NRIP1: variants seen among roughly 807,000 people sequenced by gnomAD.
NRIP1 encodes nuclear receptor interacting protein 1.
A neutral mutation model predicts 75.0 loss-of-function variants in NRIP1; 28 were observed. The observed-to-expected ratio is 0.37, with a 90% CI of 0.28 to 0.51. The LOEUF (loss-of-function observed/expected upper bound fraction) is 0.51. NRIP1 is among the 20% of genes least tolerant of loss of function. The pLI is 0.92. For synonymous variants in NRIP1, 526 were observed against 487.6 expected, an observed-to-expected ratio of 1.08 and a Z score of -1.04; for missense variants, 1,435 against 1,343.7, an observed-to-expected ratio of 1.07 and a Z score of -1.06.
Position 15,059,802 on chromosome 21 carries a change from T to C in NRIP1, c.-538+4943A>G, listed in dbSNP as rs568138873. Among the ~76,000 whole-genome samples, 11 of 152,278 alleles carry C rather than the reference T, an allele frequency of 7.2e-5. No homozygotes were observed. The East Asian group carries it at 1.9e-3, about 27-fold the overall frequency. On this transcript the variant is annotated intron_variant, in intron 1 of 3. Coordinates refer to ENST00000318948, the MANE Select transcript of NRIP1 (RefSeq NM_003489.4). The stretch of plus-strand genomic sequence containing the variant: ...CCCCAAAGAGTGTTTTCTTCCTCTA[T>C]TTTTGAATTGCCAGCCTTCTCAATT...
chr21:15,009,978 G>A (rs2147153954), intron 3 of NRIP1, among the ~76,000 whole-genome samples: 1 of 152,292 alleles, frequency 6.6e-6, no homozygotes, highest in East Asian at 1.9e-4. Context: ...ATGGCAGGTG[G>A]GGAGGAGGTG....
At chr21:15,014,948 C>T (rs2088191303) in intron 2 of NRIP1, among the ~76,000 whole-genome samples, 1 of 151,944 alleles carries the variant, frequency 6.6e-6, no homozygotes, top group African/African-American at 2.4e-5. Flanking sequence ...CCTATATATC[C>T]ATGAAAAGAT....
rs920400119 is a variant in NRIP1 at position 14,964,930 on chromosome 21, T to A, written c.3263A>T (p.Asp1088Val). 3.7e-6 allele frequency: 6 copies of A among 1,613,734 alleles called. No individual in the cohort carries two copies. Among genetic ancestry groups the A allele is most frequent in the Admixed American group, 1.7e-5 (1 of 59,988 alleles). The change falls in exon 4 of 4, where the codon GAC (aspartate) becomes GTC (valine). Residue 1088 changes from aspartate (D) to valine (V), a missense_variant. Coordinates refer to ENST00000318948, the MANE Select transcript of NRIP1 (RefSeq NM_003489.4). ...SVTSRETQDK[D>V]IWREASSAES... ...AGCAGATGAAGCCTCCCTCCAAATG[T>A]CCTTGTCTTGTGTTTCTCGACTGGT... is the stretch of plus-strand genomic sequence containing the variant.
At chr21:15,057,401 A>C (rs2089329974) in intron 1 of NRIP1, among the ~76,000 whole-genome samples, 1 of 152,220 alleles carries the variant, frequency 6.6e-6, no homozygotes, top group Non-Finnish European at 1.5e-5. Context: ...TACACTTCAG[A>C]AGAGTTAGCA....
chr21:15,042,465 T>C (rs578170080), intron 2 of NRIP1, among the ~76,000 whole-genome samples: 2 of 152,344 alleles, frequency 1.3e-5, no homozygotes, highest in East Asian at 3.9e-4. Flanking sequence ...CTATGAGGTA[T>C]GCTATGGCCT....
chr21:15,058,832 A>G (rs900463223), intron 1 of NRIP1, among the ~76,000 whole-genome samples: 1 of 152,222 alleles, frequency 6.6e-6, no homozygotes, highest in Admixed American at 6.5e-5. Flanking sequence ...CTTAGACACT[A>G]TATGTGACTA....
intron 2 of NRIP1, among the ~76,000 whole-genome samples, chr21:15,034,368 C>G (rs2088782778): frequency 1.3e-5 from 2 of 152,162 alleles, no homozygotes; most frequent in African/African-American, 4.8e-5. Context: ...ATGCTTTATA[C>G]TGAAAACTTT....
At chr21:15,003,971 C>G (rs1164084677) in intron 3 of NRIP1, among the ~76,000 whole-genome samples, 1 of 152,176 alleles carries the variant, frequency 6.6e-6, no homozygotes, top group East Asian at 1.9e-4. Flanking sequence ...TCACACTAAC[C>G]ATTTCCTCAC....
In NRIP1 at chr21:15,064,776, C is replaced by A. The variant is rs1978722741; in HGVS notation, c.-569G>T. On this transcript the variant is annotated 5_prime_UTR_variant, in exon 1 of 4. Coordinates refer to ENST00000318948, the MANE Select transcript of NRIP1 (RefSeq NM_003489.4). The stretch of plus-strand genomic sequence containing the variant: ...CCGCCGCGGCTCCCAGCCTCCGGCT[C>A]CGTCAGGCTCGGTCCGCGAAGGCGC... The A allele has an allele frequency of 6.7e-6, 1 of 148,670 alleles. No individual in the cohort carries two copies. Among genetic ancestry groups the A allele is most frequent in the East Asian group, 2.0e-4 (1 of 5,112 alleles). The allele number at this position is 148,670 out of a possible 1,614,324, so 9.2% of individuals were successfully genotyped here.
In NRIP1 at chr21:14,965,988, A is replaced by T; in HGVS notation, c.2205T>A (p.Asp735Glu). 2 of 1,613,474 alleles carry T rather than the reference A, an allele frequency of 1.2e-6. No individual in the cohort carries two copies. Among genetic ancestry groups the T allele is most frequent in the Non-Finnish European group, 1.7e-6 (2 of 1,179,842 alleles). ...TCTCTGAGTGTTCCTGAGTACTTTC[A>T]TCTCTTAAGGGAGTTTTCTCTTTTT... ...SEKKEKTPLR[D>E]ESTQEHSERA... The change falls in exon 4 of 4, where the codon GAT becomes GAA. Residue 735 changes from aspartate to glutamate, a missense_variant. Coordinates refer to ENST00000318948, the MANE Select transcript of NRIP1 (RefSeq NM_003489.4).
At chr21:15,030,154 A>G (rs1803971500) in intron 2 of NRIP1, among the ~76,000 whole-genome samples, 1 of 152,256 alleles carries the variant, frequency 6.6e-6, no homozygotes, top group South Asian at 2.1e-4. Context: ...AACCATGAGG[A>G]GTGACATCAC....
At chr21:15,023,943 A>G (rs954790533) in intron 2 of NRIP1, among the ~76,000 whole-genome samples, 1 of 152,246 alleles carries the variant, frequency 6.6e-6, no homozygotes, top group African/African-American at 2.4e-5. Context: ...ATCATTCAAT[A>G]GTGTTGAAAC....
Position 14,964,665 on chromosome 21 carries a change from G to A in NRIP1, c.*51C>T, listed in dbSNP as rs2086672673. ...ATGCTCTTATTTATACAGATCTCAA[G>A]TTCATACTCATTAGTTTTAAAAAGA... On this transcript the variant is annotated 3_prime_UTR_variant, in exon 4 of 4. Transcript: ENST00000318948. 1 of 1,322,746 alleles carries A rather than the reference G, an allele frequency of 7.6e-7. No individual in the cohort carries two copies. The highest frequency in any genetic ancestry group is 1.5e-5 in the African/African-American group (1 of 67,806). 81.9% of individuals were successfully genotyped at this position (1,322,746 alleles called of 1,614,324 possible).
intron 2 of NRIP1, among the ~76,000 whole-genome samples, chr21:15,032,131 G>C (rs1031461352): frequency 1.3e-5 from 2 of 152,230 alleles, no homozygotes; most frequent in African/African-American, 4.8e-5. Flanking sequence ...GTCAGTGATA[G>C]TTTGACCCAA....
chr21:15,038,119 C>CAA (rs1453844147), intron 2 of NRIP1, among the ~76,000 whole-genome samples: 3 of 152,010 alleles, frequency 2.0e-5, no homozygotes, highest in Non-Finnish European at 2.9e-5. Context: ...AACCAAGAAC[C>CAA]TGCCAACAGA....
intron 1 of NRIP1, among the ~76,000 whole-genome samples, chr21:15,049,704 A>G (rs2089162162): frequency 6.6e-6 from 1 of 152,148 alleles, no homozygotes; most frequent in African/African-American, 2.4e-5. Context: ...CATTTAATTT[A>G]CTATCCAAGC....
intron 3 of NRIP1, among the ~76,000 whole-genome samples, chr21:14,975,731 G>A (rs927686664): frequency 6.6e-6 from 1 of 151,250 alleles, no homozygotes; most frequent in African/African-American, 2.4e-5. Context: ...GATGATTTCA[G>A]TATTGCCTCA....
At chr21:15,061,573 A>G (rs1446830536) in intron 1 of NRIP1, among the ~76,000 whole-genome samples, 2 of 152,204 alleles carry the variant, frequency 1.3e-5, no homozygotes, top group African/African-American at 4.8e-5. Flanking sequence ...TCAAATGCGA[A>G]AAGCAAAACT....
chr21:15,064,931 G>C lies in NRIP1; in HGVS notation c.-724C>G, dbSNP rs893852964. 1.5e-4 allele frequency: 22 copies of C among 148,716 alleles called. No individual in the cohort carries two copies. Among genetic ancestry groups the C allele is most frequent in the African/African-American group, 5.2e-4 (21 of 40,610 alleles). The allele number at this position is 148,716 out of a possible 1,614,324, so 9.2% of individuals were successfully genotyped here. On this transcript the variant is annotated 5_prime_UTR_variant, in exon 1 of 4. Transcript: ENST00000318948. ...GGGTGGCGGGCGGGCGTGGGGCCGGGTCGTCCCTGCGCCTCGCCGCCGCCT... is the reference window on the plus strand; with the variant it reads ...GGGTGGCGGGCGGGCGTGGGGCCGGCTCGTCCCTGCGCCTCGCCGCCGCCT...
Sources: gnomAD v4.1 joint callset for allele counts (sites outside exome capture counted in the v4.1 genomes callset) on GRCh38, gnomAD v4.1.1 for gene constraint, MANE v1.5 for transcripts, NCBI Gene and HGNC (gene_info 2026-07-23, HGNC 2026-07-21) for gene names.